DLG2: variants seen among roughly 807,000 people sequenced by gnomAD.
DLG2 encodes the protein disks large homolog 2.
A neutral mutation model predicts 132.5 loss-of-function variants in DLG2; 45 were observed. That is an observed-to-expected ratio of 0.34 (90% CI 0.27 to 0.44). DLG2 has a LOEUF of 0.44. Ranked by LOEUF, DLG2 falls within the 20% of genes least tolerant of loss-of-function variation. The pLI is 1.00. For synonymous variants in DLG2, 424 were observed against 419.6 expected (o/e 1.01, Z -0.13); for missense variants, 1,045 against 1,196.9 (o/e 0.87, Z 1.87).
intron 4 of DLG2, among the ~76,000 whole-genome samples, chr11:85,162,026 A>G (rs1049840375): frequency 1.3e-5 from 2 of 152,164 alleles, no homozygotes; most frequent in African/African-American, 4.8e-5. Context: ...TCTTAGTTGA[A>G]GAGTGACAAA....
At chr11:84,110,554 G>C (rs1329005390) in intron 9 of DLG2, among the ~76,000 whole-genome samples, 1 of 152,136 alleles carries the variant, frequency 6.6e-6, no homozygotes, top group African/African-American at 2.4e-5. Context: ...TCCAGAAAAG[G>C]CTAGAAGAGC....
At chr11:85,307,689 T>G (rs2080045004) in intron 3 of DLG2, among the ~76,000 whole-genome samples, 1 of 152,212 alleles carries the variant, frequency 6.6e-6, no homozygotes, top group African/African-American at 2.4e-5. Flanking sequence ...ACTGATCCAC[T>G]TTCAAAACTG....
intron 6 of DLG2, among the ~76,000 whole-genome samples, chr11:84,873,156 T>C (rs954257224): frequency 5.9e-5 from 9 of 152,148 alleles, no homozygotes; most frequent in Non-Finnish European, 1.2e-4. Flanking sequence ...TTAGCTTGGG[T>C]TATCCAGGTA....
intron 7 of DLG2, among the ~76,000 whole-genome samples, chr11:84,388,255 G>A (rs371135078): frequency 1.3e-5 from 2 of 152,096 alleles, no homozygotes; most frequent in Non-Finnish European, 2.9e-5. Flanking sequence ...TTACCAAGAG[G>A]CTACAGATCC....
chr11:84,104,361 G>A (rs752342914), intron 9 of DLG2, among the ~76,000 whole-genome samples: 16 of 152,012 alleles, frequency 1.1e-4, no homozygotes, highest in Non-Finnish European at 2.1e-4. Flanking sequence ...ATAAATGGGA[G>A]CTAAACATCG....
chr11:84,393,381 C>T (rs2098799649), intron 7 of DLG2, among the ~76,000 whole-genome samples: 1 of 152,032 alleles, frequency 6.6e-6, no homozygotes, highest in Non-Finnish European at 1.5e-5. Context: ...AAGTATCACT[C>T]TAAATCCTTT....
intron 6 of DLG2, among the ~76,000 whole-genome samples, chr11:84,734,966 C>T (rs1313313310): frequency 2.0e-5 from 3 of 152,076 alleles, no homozygotes; most frequent in African/African-American, 7.2e-5. Context: ...GTTGAACCAG[C>T]CTTGCATCCC....
intron 9 of DLG2, among the ~76,000 whole-genome samples, chr11:84,152,188 G>C (rs2095312151): frequency 6.6e-6 from 1 of 152,052 alleles, no homozygotes; most frequent in Admixed American, 6.6e-5. Context: ...TATTTTCATA[G>C]ATCTAGAAGT....
intron 3 of DLG2, among the ~76,000 whole-genome samples, chr11:85,305,904 C>T (rs1244890620): frequency 1.3e-5 from 2 of 152,306 alleles, no homozygotes; most frequent in South Asian, 2.1e-4. Context: ...TCTAACTCCT[C>T]TCATAGACCA....
chr11:84,900,601 T>C (rs1045097263), intron 6 of DLG2, among the ~76,000 whole-genome samples: 2 of 152,020 alleles, frequency 1.3e-5, no homozygotes, highest in African/African-American at 4.8e-5. Flanking sequence ...CAAATTTAGA[T>C]ATCACTGTAT....
intron 3 of DLG2, among the ~76,000 whole-genome samples, chr11:85,305,476 G>A (rs2079875752): frequency 6.6e-6 from 1 of 152,104 alleles, no homozygotes; most frequent in African/African-American, 2.4e-5. Context: ...GTTATCCAGA[G>A]AATCTGAAAT....
At chr11:83,692,068 T>C (rs1050164732) in intron 18 of DLG2, 1 of 152,254 alleles carries the variant, frequency 6.6e-6, no homozygotes, top group Non-Finnish European at 1.5e-5. Context: ...ATATTTTTCA[T>C]GTATCCGGTA....
At chr11:85,559,785 C>T (rs950117766) in intron 3 of DLG2, among the ~76,000 whole-genome samples, 1 of 149,336 alleles carries the variant, frequency 6.7e-6, no homozygotes, top group African/African-American at 2.4e-5. Context: ...CTAAAATACA[C>T]ACACACAGAT....
At position 84,254,848 on chromosome 11, in the gene DLG2, C is replaced by T. The variant is rs151092623; in HGVS notation, c.520-3557G>A. Among the ~76,000 whole-genome samples, 455 of 152,262 alleles carry T rather than the reference C, an allele frequency of 3.0e-3. No homozygotes were observed. In the Middle Eastern group the frequency reaches 0.034, roughly 11 times the overall value. ...TGCCAAAGGGATCCAGAAGCCACTG[C>T]TAACACCTACCTCTCTAAAAGTCAT... On this transcript the variant is annotated intron_variant, in intron 7 of 27. Coordinates refer to ENST00000376104, the MANE Select transcript of DLG2 (RefSeq NM_001142699.3).
intron 7 of DLG2, among the ~76,000 whole-genome samples, chr11:84,534,171 C>T (rs1459341947): frequency 1.3e-5 from 2 of 152,124 alleles, no homozygotes; most frequent in Non-Finnish European, 2.9e-5. Flanking sequence ...ATAGTTTAGA[C>T]AGTAAAGCAA....
intron 7 of DLG2, among the ~76,000 whole-genome samples, chr11:84,512,363 C>A (rs80132911): frequency 0.045 from 6,817 of 152,104 alleles, 167 homozygotes; most frequent in Middle Eastern, 0.092. Context: ...CAAAATAGAA[C>A]TGACAGTACC....
chr11:84,934,637 C>T (rs926045340), intron 6 of DLG2, among the ~76,000 whole-genome samples: 1 of 148,612 alleles, frequency 6.7e-6, no homozygotes, highest in Non-Finnish European at 1.5e-5. Context: ...CCTCTATGCA[C>T]ATAAACTAGC....
At chr11:84,342,228 C>G (rs1480242381) in intron 7 of DLG2, among the ~76,000 whole-genome samples, 1 of 152,108 alleles carries the variant, frequency 6.6e-6, no homozygotes, top group Non-Finnish European at 1.5e-5. Context: ...CAATCAGACT[C>G]TAGATCCCAA....
chr11:84,169,282 A>G (rs551118868), intron 8 of DLG2, among the ~76,000 whole-genome samples: 1 of 152,122 alleles, frequency 6.6e-6, no homozygotes, highest in African/African-American at 2.4e-5. Flanking sequence ...GTAGGAATAA[A>G]TAATATTACA....
Sources: allele counts gnomAD v4.1 joint callset (sites outside exome capture counted in the v4.1 genomes callset), GRCh38; gene constraint gnomAD v4.1.1; transcripts MANE v1.5; gene names NCBI Gene and HGNC (gene_info 2026-07-23, HGNC 2026-07-21).